The following LRFN2 variants were observed in gnomAD, a reference collection of about 807,000 sequenced individuals.
LRFN2 encodes leucine rich repeat and fibronectin type III domain containing 2.
LRFN2 carries 18 observed loss-of-function variants against 37.3 expected under a neutral mutation model. The observed-to-expected ratio is 0.48, with a 90% confidence interval of 0.33 to 0.72. The LOEUF (loss-of-function observed/expected upper bound fraction) is 0.72. LRFN2 is among the 30% of genes least tolerant of loss of function. LRFN2 has a pLI of 0.02. For missense variants in LRFN2, 1,006 were observed against 1,060.7 expected (o/e 0.95, Z 0.72); for synonymous variants, 556 against 466.6 (o/e 1.19, Z -2.47).
chr6:40,571,114 C>T (rs1047310283), intron 1 of LRFN2, among the ~76,000 whole-genome samples: 9 of 152,242 alleles, frequency 5.9e-5, no homozygotes, highest in African/African-American at 1.9e-4. Flanking sequence ...CCTCCAGTCA[C>T]AGGACCATCA....
At chr6:40,393,633 A>G (rs1762558464) in intron 2 of LRFN2, among the ~76,000 whole-genome samples, 1 of 152,094 alleles carries the variant, frequency 6.6e-6, no homozygotes, top group African/African-American at 2.4e-5. Context: ...TGCTACAAGT[A>G]TTCCCTCCGT....
At chr6:40,398,862 A>G (rs1762668343) in intron 2 of LRFN2, among the ~76,000 whole-genome samples, 1 of 151,880 alleles carries the variant, frequency 6.6e-6, no homozygotes, top group South Asian at 2.1e-4. Flanking sequence ...ACACTAGCAC[A>G]CAAATCTACG....
At chr6:40,466,380 G>A (rs1249025427) in intron 1 of LRFN2, among the ~76,000 whole-genome samples, 1 of 152,170 alleles carries the variant, frequency 6.6e-6, no homozygotes, top group African/African-American at 2.4e-5. Flanking sequence ...ATGAAGCTTG[G>A]TCCCAGGGAG....
At chr6:40,550,785 G>A (rs1454483710) in intron 1 of LRFN2, among the ~76,000 whole-genome samples, 2 of 152,206 alleles carry the variant, frequency 1.3e-5, no homozygotes, top group Non-Finnish European at 2.9e-5. Flanking sequence ...GCCATAAAGA[G>A]TTCTATCTGG....
chr6:40,491,040 AG>A (rs1176541583), intron 1 of LRFN2, among the ~76,000 whole-genome samples: 2 of 152,174 alleles, frequency 1.3e-5, no homozygotes, highest in Non-Finnish European at 2.9e-5. Flanking sequence ...AGGAAGACAA[AG>A]AGGATAGGGA....
At chr6:40,531,132 C>T (rs753945241) in intron 1 of LRFN2, among the ~76,000 whole-genome samples, 39 of 152,266 alleles carry the variant, frequency 2.6e-4, no homozygotes, top group Non-Finnish European at 1.0e-4. Context: ...GGTTGCTCCC[C>T]GAACTGGGCA....
At chr6:40,501,965 C>T (rs1765393640) in intron 1 of LRFN2, among the ~76,000 whole-genome samples, 1 of 152,188 alleles carries the variant, frequency 6.6e-6, no homozygotes, top group African/African-American at 2.4e-5. Flanking sequence ...CCTGACTCCA[C>T]ACACCCTGTA....
chr6:40,494,283 C>G (rs1338465485), intron 1 of LRFN2, among the ~76,000 whole-genome samples: 1 of 152,170 alleles, frequency 6.6e-6, no homozygotes, highest in Non-Finnish European at 1.5e-5. Context: ...GCACTTCTCT[C>G]CTCACTGTGT....
At chr6:40,467,403 G>A (rs1233038960) in intron 1 of LRFN2, among the ~76,000 whole-genome samples, 1 of 152,076 alleles carries the variant, frequency 6.6e-6, no homozygotes, top group East Asian at 1.9e-4. Context: ...CTCTGAGCTA[G>A]AGCCAAGACC....
chr6:40,537,902 C>CA (rs1311232824), intron 1 of LRFN2, among the ~76,000 whole-genome samples: 1 of 152,052 alleles, frequency 6.6e-6, no homozygotes, highest in Non-Finnish European at 1.5e-5. Flanking sequence ...ATCCCAGGCA[C>CA]ACTAGAGATT....
At chr6:40,586,507 C>T (rs567951450) in intron 1 of LRFN2, among the ~76,000 whole-genome samples, 12 of 152,276 alleles carry the variant, frequency 7.9e-5, no homozygotes, top group Non-Finnish European at 1.8e-4. Flanking sequence ...ACCCAGTCCA[C>T]AGAGCTCAGG....
intron 1 of LRFN2, among the ~76,000 whole-genome samples, chr6:40,483,422 C>T (rs981403169): frequency 2.0e-5 from 3 of 152,180 alleles, no homozygotes; most frequent in African/African-American, 7.2e-5. Flanking sequence ...CCTGGGGTCA[C>T]AGCACTTCTT....
intron 1 of LRFN2, among the ~76,000 whole-genome samples, chr6:40,458,601 A>G: frequency 6.6e-6 from 1 of 152,170 alleles, no homozygotes; most frequent in East Asian, 1.9e-4. Context: ...TTCCATGCTA[A>G]CAGACCCCAT....
At chr6:40,405,687 T>A (rs1762830867) in intron 2 of LRFN2, among the ~76,000 whole-genome samples, 1 of 152,124 alleles carries the variant, frequency 6.6e-6, no homozygotes, top group Non-Finnish European at 1.5e-5. Context: ...CAGGGAGGCA[T>A]CTTGGCTTCA....
chr6:40,462,871 T>C (rs1764376217), intron 1 of LRFN2, among the ~76,000 whole-genome samples: 1 of 152,098 alleles, frequency 6.6e-6, no homozygotes, highest in African/African-American at 2.4e-5. Context: ...TGCCTAGTAA[T>C]AGAATTGTGG....
At chr6:40,396,137 T>C (rs1762609938) in intron 2 of LRFN2, among the ~76,000 whole-genome samples, 2 of 152,186 alleles carry the variant, frequency 1.3e-5, no homozygotes, top group Non-Finnish European at 2.9e-5. Context: ...GGCACTATTG[T>C]GAGATATTTA....
At chr6:40,536,259 C>A (rs1766447446) in intron 1 of LRFN2, among the ~76,000 whole-genome samples, 1 of 151,754 alleles carries the variant, frequency 6.6e-6, no homozygotes, top group African/African-American at 2.4e-5. Flanking sequence ...GAGACACAGC[C>A]CTGCCTCAGG....
intron 1 of LRFN2, among the ~76,000 whole-genome samples, chr6:40,527,138 A>G (rs1197371156): frequency 6.6e-6 from 1 of 152,222 alleles, no homozygotes; most frequent in Non-Finnish European, 1.5e-5. Flanking sequence ...CATTTCACTC[A>G]TCCTTGAAAG....
At chr6:40,494,536 C>T (rs567460769) in intron 1 of LRFN2, among the ~76,000 whole-genome samples, 2 of 152,280 alleles carry the variant, frequency 1.3e-5, no homozygotes, top group South Asian at 4.1e-4. Flanking sequence ...AGGCACTTGG[C>T]TCCCTGTCTC....
Sources: gnomAD v4.1 joint callset for allele counts (sites outside exome capture counted in the v4.1 genomes callset) on GRCh38, gnomAD v4.1.1 for gene constraint, MANE v1.5 for transcripts, NCBI Gene and HGNC (gene_info 2026-07-23, HGNC 2026-07-21) for gene names.